The following DNM2 variants were observed in gnomAD, a reference collection of about 807,000 sequenced individuals.
DNM2 encodes dynamin-2.
A neutral mutation model predicts 99.0 loss-of-function variants in DNM2; 15 were observed. That is an observed-to-expected ratio of 0.15 (90% confidence interval 0.10 to 0.23). The LOEUF (loss-of-function observed/expected upper bound fraction) is 0.23, where lower values mean the gene tolerates loss of function less well. Among genes scored for constraint, DNM2 ranks in the 10% least tolerant of loss-of-function variants. DNM2 has a pLI of 1.00. For synonymous variants in DNM2, 525 were observed against 481.2 expected (o/e 1.09, Z -1.19); for missense variants, 742 against 1,189.4 (o/e 0.62, Z 5.53).
At chr19:10,751,150 G>A (rs1471786394) in intron 1 of DNM2, among the ~76,000 whole-genome samples, 35 of 152,006 alleles carry the variant, frequency 2.3e-4, no homozygotes, top group Admixed American at 2.3e-3. Flanking sequence ...AGGTGTGAAT[G>A]GGGGTGAGAG....
chr19:10,774,014 T>C (rs1276425052), intron 3 of DNM2, among the ~76,000 whole-genome samples: 1 of 152,232 alleles, frequency 6.6e-6, no homozygotes, highest in South Asian at 2.1e-4. Context: ...TTCCTTGCGA[T>C]AAGTTTTAAA....
chr19:10,828,639 G>A (rs543952825), intron 18 of DNM2, among the ~76,000 whole-genome samples: 64 of 151,488 alleles, frequency 4.2e-4, no homozygotes, highest in Non-Finnish European at 7.2e-4. Flanking sequence ...CCAAGGTTAA[G>A]GAAATAAATA....
chr19:10,727,599 G>A (rs1407381269), intron 1 of DNM2, among the ~76,000 whole-genome samples: 1 of 151,480 alleles, frequency 6.6e-6, no homozygotes, highest in Non-Finnish European at 1.5e-5. Context: ...CAAACCCCTG[G>A]GCTCAAGTGA....
At chr19:10,745,742 C>T (rs7247567) in intron 1 of DNM2, among the ~76,000 whole-genome samples, 96,080 of 151,878 alleles carry the variant, frequency 0.63, 30,593 homozygotes, top group African/African-American at 0.68. Context: ...AACTAGTGGG[C>T]AGTGCTGTGT....
At chr19:10,718,654 G>A in intron 1 of DNM2, 2 of 377,186 alleles carry the variant, frequency 5.3e-6, no homozygotes, top group Non-Finnish European at 8.7e-6. Context: ...GAGGTGCGCT[G>A]GAACCCTGCG....
Position 10,817,331 on chromosome 19 carries a change from G to T in DNM2, c.1672-2649G>T. 1 of 448,078 alleles carries T rather than the reference G, an allele frequency of 2.2e-6. No individual in the cohort carries two copies. The allele number at this position is 448,078 out of a possible 1,614,324, so 27.8% of individuals were successfully genotyped here. On this transcript the variant is annotated intron_variant, in intron 15 of 20. Coordinates refer to ENST00000389253, the MANE Select transcript of DNM2 (RefSeq NM_001005361.3). The surrounding 1 kb of genome is among the most constrained non-coding windows in gnomAD (Gnocchi z 4.6). The stretch of plus-strand genomic sequence containing the variant: ...CAGGCCCTCGAATCTTCTATGCGAG[G>T]CTCTGCCACAGTGGGAAACGGGGTG...
intron 1 of DNM2, among the ~76,000 whole-genome samples, chr19:10,724,781 G>T (rs535576528): frequency 6.6e-6 from 1 of 152,178 alleles, no homozygotes; most frequent in Non-Finnish European, 1.5e-5. Flanking sequence ...TTGATTTCCA[G>T]CTTCAACTCA....
chr19:10,726,268 T>C (rs1395494675), intron 1 of DNM2, among the ~76,000 whole-genome samples: 1 of 151,642 alleles, frequency 6.6e-6, no homozygotes, highest in Non-Finnish European at 1.5e-5. Context: ...ACTTTGTTGC[T>C]CAGTTTGGTG....
intron 2 of DNM2, among the ~76,000 whole-genome samples, chr19:10,771,130 A>G (rs1022514289): frequency 2.6e-5 from 4 of 152,112 alleles, no homozygotes; most frequent in African/African-American, 9.7e-5. Context: ...AGTAGCTGTG[A>G]TCTCTGAGCT....
intron 12 of DNM2, among the ~76,000 whole-genome samples, chr19:10,804,550 G>A (rs953334231): frequency 3.3e-4 from 50 of 152,030 alleles, no homozygotes; most frequent in African/African-American, 1.1e-3. Flanking sequence ...AATTAACTGG[G>A]CATGGTGGTG....
intron 2 of DNM2, among the ~76,000 whole-genome samples, chr19:10,769,890 A>G (rs1197773027): frequency 6.6e-6 from 1 of 152,178 alleles, no homozygotes; most frequent in Non-Finnish European, 1.5e-5. Flanking sequence ...GAGAATTTCA[A>G]AGAGGCGAAG....
chr19:10,780,139 C>G (rs913839414), intron 5 of DNM2: 6 of 152,430 alleles, frequency 3.9e-5, no homozygotes, highest in African/African-American at 1.4e-4. Flanking sequence ...CAGCATCCCC[C>G]AGCACTGCTG....
rs1469755696 is a variant in DNM2, at chr19:10,775,675, A to G, written c.386-28A>G. 1 of 1,613,862 alleles carries G rather than the reference A, an allele frequency of 6.2e-7. No homozygotes were observed. Among genetic ancestry groups the G allele is most frequent in the South Asian group, 1.1e-5 (1 of 91,042 alleles). ...TGTGCCTCCCCTCTCCTGGCTCTGA[A>G]TGCCTTTCCTTCTGGTTTCCCTCCC... On this transcript the variant is annotated intron_variant, in intron 3 of 20. Transcript: ENST00000389253. The surrounding 1 kb of genome is among the most constrained non-coding windows in gnomAD (Gnocchi z 4.3).
At chr19:10,744,089 C>A (rs911030825) in intron 1 of DNM2, among the ~76,000 whole-genome samples, 1 of 151,520 alleles carries the variant, frequency 6.6e-6, no homozygotes, top group Admixed American at 6.6e-5. Context: ...GCCCAGGAGG[C>A]GGAGGTTGCA....
Position 10,808,488 on chromosome 19 carries a change from C to A in DNM2, c.1546-81C>A, listed in dbSNP as rs947769203. 6.0e-6 allele frequency: 9 copies of A among 1,493,650 alleles called. No individual in the cohort carries two copies. The Admixed American group carries it at 1.8e-4, about 30-fold the overall frequency. 92.5% of individuals were successfully genotyped at this position (1,493,650 alleles called of 1,614,324 possible). On this transcript the variant is annotated intron_variant, in intron 13 of 20. Coordinates refer to ENST00000389253, the MANE Select transcript of DNM2 (RefSeq NM_001005361.3). ...TGTGCTTTTCCTGCTTTTTCTTTGT[C>A]CCCTTCACGTCCCTTCCATCTCTTT...
Position 10,787,286 on chromosome 19 carries a change from G to A in DNM2, c.992+580G>A, listed in dbSNP as rs549565832. 2.6e-5 allele frequency among the ~76,000 whole-genome samples: 4 copies of A among 151,994 alleles called. No individual in the cohort carries two copies. In the South Asian group the frequency reaches 8.3e-4, roughly 32 times the overall value. On this transcript the variant is annotated intron_variant, in intron 7 of 20. Transcript: ENST00000389253. ...TCGAGACCATCCTGGCTAACGTGGT[G>A]AAACCCCATCACTACCAAAAAAAAA...
chr19:10,724,429 G>A (rs927644298), intron 1 of DNM2, among the ~76,000 whole-genome samples: 8 of 152,064 alleles, frequency 5.3e-5, no homozygotes, highest in East Asian at 3.9e-4. Context: ...CGCCCGCCTC[G>A]GCCTCCCAAA....
chr19:10,742,909 CTTTCT>C lies in DNM2; in HGVS notation c.162-16825_162-16821del, dbSNP rs1185202071. Among the ~76,000 whole-genome samples, 66 of 145,904 alleles carry C rather than the reference CTTTCT, an allele frequency of 4.5e-4. 1 individual carries two copies. The highest frequency in any genetic ancestry group is 1.6e-3 in the African/African-American group (65 of 39,784). On this transcript the variant is annotated intron_variant, in intron 1 of 20. Coordinates refer to ENST00000389253, the MANE Select transcript of DNM2 (RefSeq NM_001005361.3). Reference sequence around the variant, plus strand: ...GCCCTGGAGATGCTAGCTTGTTTTTCTTTCTTTTTTTTTTTTTTTTTTGAGACAGA... The same window carrying C: ...GCCCTGGAGATGCTAGCTTGTTTTTCTTTTTTTTTTTTTTTTTGAGACAGA...
At chr19:10,798,364 G>A in intron 10 of DNM2, 122 bp from the exon 11 acceptor site, 1 of 572,518 alleles carries the variant, frequency 1.7e-6, no homozygotes. Flanking sequence ...CAAGGTGTGG[G>A]CTCGGTGGGC....
Sources: gnomAD v4.1 joint callset for allele counts (sites outside exome capture counted in the v4.1 genomes callset) on GRCh38, gnomAD v4.1.1 for gene constraint, Gnocchi (gnomAD v3.1) non-coding constraint, MANE v1.5 for transcripts, NCBI Gene and HGNC (gene_info 2026-07-23, HGNC 2026-07-21) for gene names.